The following RAPGEF4 variants were observed in gnomAD, a reference collection of about 807,000 sequenced individuals.
The protein encoded by RAPGEF4 is RAP guanine-nucleotide-exchange factor (GEF) 4.
In RAPGEF4, 66 loss-of-function variants were observed where a neutral mutation model predicts 147.9. The ratio of observed to expected loss-of-function variants is 0.45; its 90% CI spans 0.37 to 0.55. RAPGEF4 has a LOEUF of 0.55. RAPGEF4 is among the 20% of genes least tolerant of loss of function. The pLI is 0.00. For missense variants in RAPGEF4, 1,071 were observed against 1,257.3 expected (o/e 0.85, Z 2.24); for synonymous variants, 419 against 442.7 (o/e 0.95, Z 0.67).
In RAPGEF4 at chr2:172,967,330, C is replaced by A. The variant is rs1468350153; in HGVS notation, c.890C>A (p.Ala297Asp). 1 of 1,612,144 alleles carries A rather than the reference C, an allele frequency of 6.2e-7. No homozygotes were observed. The highest frequency in any genetic ancestry group is 1.1e-5 in the South Asian group (1 of 90,910). The change falls in exon 10 of 31, where the codon GCC (alanine) becomes GAC (aspartate). Residue 297 changes from alanine (A) to aspartate (D), a missense_variant. Physicochemically the swap from Ala to Asp is moderately radical, Grantham distance 126. Transcript: ENST00000397081. Reference sequence around the variant, plus strand: ...TTTCTGGATGATGAGCACGAGGATGCCCCTTTGCCTACTGAGGAGGAGAAG... The same window carrying A: ...TTTCTGGATGATGAGCACGAGGATGACCCTTTGCCTACTGAGGAGGAGAAG... ...YRFLDDEHED[A>D]PLPTEEEKKE...
At chr2:172,927,071 C>T (rs1453107495) in intron 6 of RAPGEF4, among the ~76,000 whole-genome samples, 1 of 152,102 alleles carries the variant, frequency 6.6e-6, no homozygotes, top group East Asian at 1.9e-4. Flanking sequence ...CAAGTCTCAT[C>T]TTAAGGAGAT....
In RAPGEF4 at chr2:173,042,345, A is replaced by G. The variant is rs1306777682; in HGVS notation, c.2853+5653A>G. Reference sequence around the variant, plus strand: ...GTCTTCTATTTTATTAGAAAATTGGATGAATCAACTGGGCACAGTGGCTCA... The same window carrying G: ...GTCTTCTATTTTATTAGAAAATTGGGTGAATCAACTGGGCACAGTGGCTCA... On this transcript the variant is annotated intron_variant, in intron 29 of 30. Coordinates refer to ENST00000397081, the MANE Select transcript of RAPGEF4 (RefSeq NM_007023.4). The surrounding 1 kb of genome is among the most constrained non-coding windows in gnomAD (Gnocchi z 4.2). Among the ~76,000 whole-genome samples the G allele has an allele frequency of 6.6e-6, 1 of 152,226 alleles. No individual in the cohort carries two copies. The highest frequency in any genetic ancestry group is 1.5e-5 in the Non-Finnish European group (1 of 68,044).
chr2:172,951,359 G>A (rs1236485089), intron 6 of RAPGEF4, among the ~76,000 whole-genome samples: 2 of 152,196 alleles, frequency 1.3e-5, no homozygotes, highest in Admixed American at 6.5e-5. Context: ...ATGAATCAAT[G>A]AAGAAATTCT....
At chr2:172,851,220 G>A (rs1438950425) in intron 4 of RAPGEF4, among the ~76,000 whole-genome samples, 7 of 152,084 alleles carry the variant, frequency 4.6e-5, no homozygotes, top group Admixed American at 6.5e-5. Context: ...ATTCAGAAGC[G>A]GGTTAATTTC....
At chr2:172,951,857 C>T (rs1176644329) in intron 6 of RAPGEF4, among the ~76,000 whole-genome samples, 2 of 151,846 alleles carry the variant, frequency 1.3e-5, no homozygotes, top group Non-Finnish European at 2.9e-5. Flanking sequence ...TAGGATCATG[C>T]GGCTATGGGG....
chr2:172,753,875 T>C (rs1695522193), intron 1 of RAPGEF4, among the ~76,000 whole-genome samples: 1 of 146,474 alleles, frequency 6.8e-6, no homozygotes, highest in Non-Finnish European at 1.5e-5. Flanking sequence ...ACAGTGTATG[T>C]ACACACACAC....
At chr2:173,034,646 G>T (rs866837837) in intron 27 of RAPGEF4, among the ~76,000 whole-genome samples, 1 of 152,258 alleles carries the variant, frequency 6.6e-6, no homozygotes, top group South Asian at 2.1e-4. Context: ...GGCCAGGAAA[G>T]GTGGATTACT....
intron 4 of RAPGEF4, among the ~76,000 whole-genome samples, chr2:172,853,467 G>T (rs545828640): frequency 6.6e-6 from 1 of 152,060 alleles, no homozygotes; most frequent in African/African-American, 2.4e-5. Flanking sequence ...AGGATTTGCA[G>T]ATACACTGCA....
intron 4 of RAPGEF4, among the ~76,000 whole-genome samples, chr2:172,815,786 T>C (rs1443410711): frequency 1.3e-5 from 2 of 152,248 alleles, no homozygotes; most frequent in Non-Finnish European, 2.9e-5. Flanking sequence ...ATTTTAAAGA[T>C]TTATTTTAAT....
intron 23 of RAPGEF4, among the ~76,000 whole-genome samples, chr2:173,024,930 C>A (rs1360331706): frequency 5.3e-5 from 8 of 152,222 alleles, no homozygotes; most frequent in Non-Finnish European, 1.0e-4. Flanking sequence ...TGCCATCCTT[C>A]CACCCCAAGG....
At chr2:173,024,318 C>T (rs1454297730) in intron 23 of RAPGEF4, among the ~76,000 whole-genome samples, 1 of 145,194 alleles carries the variant, frequency 6.9e-6, no homozygotes, top group African/African-American at 2.5e-5. Context: ...CCCGGGTTCA[C>T]GCCATTCTCC....
At chr2:172,877,384 G>A (rs1219406786) in intron 4 of RAPGEF4, among the ~76,000 whole-genome samples, 2 of 152,070 alleles carry the variant, frequency 1.3e-5, no homozygotes, top group African/African-American at 4.8e-5. Context: ...GGGGACCAGG[G>A]GAGGGATAGC....
rs1490060717 is a variant in RAPGEF4, at chr2:172,983,550, T to A, written c.1059T>A (p.His353Gln). 1 of 1,613,666 alleles carries A rather than the reference T, an allele frequency of 6.2e-7. No homozygotes were observed. The highest frequency in any genetic ancestry group is 8.5e-7 in the Non-Finnish European group (1 of 1,179,952). The change falls in exon 11 of 31, where the codon CAT becomes CAA. Residue 353 changes from histidine to glutamine, a missense_variant. Coordinates refer to ENST00000397081, the MANE Select transcript of RAPGEF4 (RefSeq NM_007023.4). The part of the protein sequence containing the change: ...DLEIIYEELL[H>Q]IKALSHLSTT... ...AGATTATCTATGAGGAGCTTCTTCATATTAAAGCCTTATCCCATCTTTCTA... is the reference window on the plus strand; with the variant it reads ...AGATTATCTATGAGGAGCTTCTTCAAATTAAAGCCTTATCCCATCTTTCTA...
chr2:172,870,116 T>C (rs996169979), intron 4 of RAPGEF4, among the ~76,000 whole-genome samples: 5 of 152,132 alleles, frequency 3.3e-5, no homozygotes, highest in Admixed American at 6.5e-5. Flanking sequence ...CTGTTACCAC[T>C]GTGTGGATAC....
At chr2:172,832,617 A>G (rs901389105) in intron 4 of RAPGEF4, among the ~76,000 whole-genome samples, 3 of 152,236 alleles carry the variant, frequency 2.0e-5, no homozygotes, top group Non-Finnish European at 4.4e-5. Flanking sequence ...GACCCAAACT[A>G]CATAATTTGA....
At chr2:172,941,476 CG>C (rs1687147892) in intron 6 of RAPGEF4, among the ~76,000 whole-genome samples, 1 of 151,978 alleles carries the variant, frequency 6.6e-6, no homozygotes, top group South Asian at 2.1e-4. Context: ...ATTCACTTCA[CG>C]AAGTTATTGT....
chr2:172,935,808 A>G (rs1686503828), intron 6 of RAPGEF4, among the ~76,000 whole-genome samples: 1 of 152,210 alleles, frequency 6.6e-6, no homozygotes, highest in African/African-American at 2.4e-5. Context: ...AGCTACTTAG[A>G]TGTGGATGCT....
intron 6 of RAPGEF4, among the ~76,000 whole-genome samples, chr2:172,942,568 TAAAAA>T (rs60948094): frequency 5.6e-5 from 6 of 107,872 alleles, no homozygotes; most frequent in African/African-American, 1.8e-4. Context: ...TAGAGTCTGG[TAAAAA>T]AAAAAAAAAA....
chr2:172,929,665 A>T (rs566742188), intron 6 of RAPGEF4, among the ~76,000 whole-genome samples: 1 of 152,334 alleles, frequency 6.6e-6, no homozygotes, highest in East Asian at 1.9e-4. Context: ...CTTGCTTGAA[A>T]ATCTTCAATT....
Sources: gnomAD v4.1 joint callset for allele counts (sites outside exome capture counted in the v4.1 genomes callset) on GRCh38, gnomAD v4.1.1 for gene constraint, Gnocchi (gnomAD v3.1) non-coding constraint, MANE v1.5 for transcripts, NCBI Gene and HGNC (gene_info 2026-07-23, HGNC 2026-07-21) for gene names.